AMPH: variants seen among roughly 807,000 people sequenced by gnomAD.
AMPH encodes the protein amphiphysin (Stiff-Mann syndrome with breast cancer 128kD autoantigen).
A neutral mutation model predicts 99.1 loss-of-function variants in AMPH; 49 were observed. The observed-to-expected ratio is 0.49, with a 90% CI of 0.39 to 0.63. The LOEUF is 0.63. Among genes scored for constraint, AMPH ranks in the 20% least tolerant of loss-of-function variants. AMPH has a pLI of 0.00. For missense variants in AMPH, 759 were observed against 863.4 expected, an observed-to-expected ratio of 0.88 and a Z score of 1.52; for synonymous variants, 314 against 317.3, an observed-to-expected ratio of 0.99 and a Z score of 0.11.
chr7:38,463,763 C>T (rs577627543), intron 9 of AMPH, among the ~76,000 whole-genome samples: 1 of 152,316 alleles, frequency 6.6e-6, no homozygotes, highest in East Asian at 1.9e-4. Context: ...GATTCAGTTT[C>T]GTTTACTAAG....
At chr7:38,386,724 T>C (rs1305596216) in intron 20 of AMPH, among the ~76,000 whole-genome samples, 1 of 152,188 alleles carries the variant, frequency 6.6e-6, no homozygotes, top group Non-Finnish European at 1.5e-5. Context: ...ATATATAAAG[T>C]GTAAATTTAT....
At chr7:38,466,479 G>A (rs1787657456) in intron 7 of AMPH, among the ~76,000 whole-genome samples, 1 of 151,612 alleles carries the variant, frequency 6.6e-6, no homozygotes, top group Non-Finnish European at 1.5e-5. Flanking sequence ...AAAATTCAGT[G>A]CCTTAAGACA....
chr7:38,536,251 G>T (rs1271182917), intron 1 of AMPH, among the ~76,000 whole-genome samples: 2 of 152,206 alleles, frequency 1.3e-5, no homozygotes, highest in Admixed American at 1.3e-4. Context: ...AAGTAGGGCA[G>T]AAGGAAGATA....
At chr7:38,470,329 C>T (rs973461100) in intron 7 of AMPH, among the ~76,000 whole-genome samples, 2 of 152,176 alleles carry the variant, frequency 1.3e-5, no homozygotes, top group Non-Finnish European at 2.9e-5. Flanking sequence ...GCTTCCTCAT[C>T]TCCAATGGAG....
Position 38,475,366 on chromosome 7 carries a change from A to G in AMPH, c.555T>C (p.Val185=), listed in dbSNP as rs756722831. Residue 185 remains valine (V), a synonymous_variant, in exon 7 of 21, where the codon GTT becomes GTC. Transcript: ENST00000356264. ...ATGATGGTAACTCTTCTTGTAAGTC[A>G]ACGTTAAACTCTTCAAACACTTTCT... ...KAQKVFEEFN[V]DLQEELPSLW... 23 of 1,613,348 alleles carry G rather than the reference A, an allele frequency of 1.4e-5. No individual in the cohort carries two copies. The highest frequency in any genetic ancestry group is 1.8e-5 in the Non-Finnish European group (21 of 1,179,594).
At chr7:38,627,682 A>G (rs1412392535) in intron 1 of AMPH, among the ~76,000 whole-genome samples, 2 of 151,290 alleles carry the variant, frequency 1.3e-5, no homozygotes, top group Admixed American at 1.3e-4. Flanking sequence ...AGCTAAAGGA[A>G]AGATATGGTC....
At chr7:38,614,446 T>A (rs1352545723) in intron 1 of AMPH, among the ~76,000 whole-genome samples, 1 of 152,170 alleles carries the variant, frequency 6.6e-6, no homozygotes, top group African/African-American at 2.4e-5. Flanking sequence ...TCTTGGCATA[T>A]GGAAGTTGCT....
chr7:38,408,020 A>C lies in AMPH; in HGVS notation c.1398+9805T>G, dbSNP rs191032606. ...ACATTTATTACACATTATTCTTCCA[A>C]CAACCCTATTAAATATTCCCCCATT... is the stretch of plus-strand genomic sequence containing the variant. On this transcript the variant is annotated intron_variant, in intron 17 of 20. Transcript: ENST00000356264. 1.7e-3 allele frequency among the ~76,000 whole-genome samples: 256 copies of C among 152,316 alleles called. 1 individual carries two copies. Among genetic ancestry groups the C allele is most frequent in the African/African-American group, 5.9e-3 (245 of 41,570 alleles).
chr7:38,397,290 C>T (rs1403552020), intron 17 of AMPH, among the ~76,000 whole-genome samples: 2 of 152,182 alleles, frequency 1.3e-5, no homozygotes, highest in African/African-American at 4.8e-5. Flanking sequence ...GGATATCTTT[C>T]CATGACCTAT....
chr7:38,582,573 C>T (rs1242403485), intron 1 of AMPH, among the ~76,000 whole-genome samples: 4 of 152,152 alleles, frequency 2.6e-5, no homozygotes, highest in Admixed American at 2.6e-4. Context: ...GAGATGTGTG[C>T]TTGTGTATTA....
intron 20 of AMPH, among the ~76,000 whole-genome samples, chr7:38,385,882 T>C (rs2128971841): frequency 6.6e-6 from 1 of 152,036 alleles, no homozygotes; most frequent in African/African-American, 2.4e-5. Context: ...GTGCAAGGAG[T>C]GGGAAATGAC....
chr7:38,447,372 G>T (rs544104821), intron 11 of AMPH, among the ~76,000 whole-genome samples: 16 of 152,280 alleles, frequency 1.1e-4, no homozygotes, highest in Admixed American at 4.6e-4. Flanking sequence ...CACAAAATTA[G>T]TAAAAGTGAG....
intron 1 of AMPH, among the ~76,000 whole-genome samples, chr7:38,614,171 G>T (rs74694823): frequency 0.045 from 6,805 of 152,242 alleles, 201 homozygotes; most frequent in Admixed American, 0.082. Context: ...ATGATGCTGT[G>T]AAATGCTATC....
intron 1 of AMPH, among the ~76,000 whole-genome samples, chr7:38,603,421 T>G (rs533887257): frequency 6.6e-6 from 1 of 152,266 alleles, no homozygotes; most frequent in East Asian, 1.9e-4. Context: ...TCTCAGAATT[T>G]CAAAGCAAAG....
intron 5 of AMPH, among the ~76,000 whole-genome samples, chr7:38,489,807 G>A (rs6462847): frequency 0.15 from 22,869 of 152,014 alleles, 3,210 homozygotes; most frequent in African/African-American, 0.37. Flanking sequence ...GAGAGAGTTG[G>A]AAAATGACAG....
chr7:38,463,903 T>C (rs894383039), intron 9 of AMPH, among the ~76,000 whole-genome samples: 1 of 152,208 alleles, frequency 6.6e-6, no homozygotes, highest in Non-Finnish European at 1.5e-5. Context: ...ACAGAGTCTG[T>C]ACCCCAAAAT....
At chr7:38,454,467 G>GA (rs1356439393) in intron 11 of AMPH, among the ~76,000 whole-genome samples, 1 of 151,376 alleles carries the variant, frequency 6.6e-6, no homozygotes, top group Non-Finnish European at 1.5e-5. Context: ...TTTACTTGTA[G>GA]AAAAAAGAGA....
chr7:38,525,273 TATATAGAGAGAGAGAGAG>T (rs1191705910), intron 2 of AMPH, among the ~76,000 whole-genome samples: 21 of 83,342 alleles, frequency 2.5e-4, no homozygotes, highest in South Asian at 1.7e-3. Flanking sequence ...TATATATATA[TATATAGAGAGAGAGAGAG>T]AGAGAGAGAG....
chr7:38,385,449 C>T (rs1784325771), intron 20 of AMPH, among the ~76,000 whole-genome samples: 1 of 152,166 alleles, frequency 6.6e-6, no homozygotes, highest in Admixed American at 6.5e-5. Flanking sequence ...AACTCTGACC[C>T]CCAGCTCATA....
Sources: allele counts gnomAD v4.1 joint callset (sites outside exome capture counted in the v4.1 genomes callset), GRCh38; gene constraint gnomAD v4.1.1; transcripts MANE v1.5; gene names NCBI Gene and HGNC (gene_info 2026-07-23, HGNC 2026-07-21).